PTPRT: variants seen among roughly 807,000 people sequenced by gnomAD.
The protein encoded by PTPRT is protein tyrosine phosphatase receptor type T, also known as receptor-type tyrosine-protein phosphatase T.
Under a neutral mutation model 176.8 loss-of-function variants are expected in PTPRT, and 56 were observed. The observed-to-expected ratio is 0.32, with a 90% CI of 0.26 to 0.40. PTPRT has a LOEUF of 0.40. Ranked by LOEUF, PTPRT falls within the 10% of genes least tolerant of loss-of-function variation. The pLI is 1.00. For missense variants in PTPRT, 1,540 were observed against 1,908.2 expected, an observed-to-expected ratio of 0.81 and a Z score of 3.60; for synonymous variants, 783 against 739.0, an observed-to-expected ratio of 1.06 and a Z score of -0.96.
intron 2 of PTPRT, among the ~76,000 whole-genome samples, chr20:42,854,080 G>A (rs974763781): frequency 2.6e-5 from 4 of 152,088 alleles, no homozygotes; most frequent in Admixed American, 2.6e-4. Context: ...GTACCATTAC[G>A]GCTCACAATA....
intron 6 of PTPRT, among the ~76,000 whole-genome samples, chr20:42,685,060 C>A (rs748220000): frequency 4.6e-5 from 7 of 152,150 alleles, no homozygotes; most frequent in African/African-American, 7.2e-5. Context: ...GCCAAGGCAA[C>A]ATGCCCGGGG....
chr20:42,300,370 C>T (rs992924789), intron 12 of PTPRT, among the ~76,000 whole-genome samples: 7 of 151,844 alleles, frequency 4.6e-5, no homozygotes, highest in Non-Finnish European at 8.8e-5. Flanking sequence ...GATTCCCACT[C>T]GTTCCCAGGT....
chr20:42,755,620 T>A (rs1600702540), intron 6 of PTPRT, among the ~76,000 whole-genome samples: 1 of 150,666 alleles, frequency 6.6e-6, no homozygotes, highest in Non-Finnish European at 1.5e-5. Flanking sequence ...GAAAAATCCA[T>A]AAAGATGCTC....
intron 1 of PTPRT, among the ~76,000 whole-genome samples, chr20:43,075,272 G>A (rs2011245648): frequency 6.6e-6 from 1 of 152,254 alleles, no homozygotes; most frequent in South Asian, 2.1e-4. Context: ...AGCGTTGCAT[G>A]GCAGCGTTTC....
At chr20:43,151,784 A>AC (rs2014363402) in intron 1 of PTPRT, among the ~76,000 whole-genome samples, 1 of 151,606 alleles carries the variant, frequency 6.6e-6, no homozygotes. Flanking sequence ...TATCACTTGA[A>AC]CCCGGGAGGC....
At chr20:42,649,685 C>A (rs2425501) in intron 7 of PTPRT, among the ~76,000 whole-genome samples, 51,439 of 152,032 alleles carry the variant, frequency 0.34, 9,695 homozygotes, top group Middle Eastern at 0.43. Flanking sequence ...CCTGAAAGAG[C>A]CCCTAAGTTA....
chr20:42,969,772 C>G (rs540295415), intron 1 of PTPRT: 1 of 152,110 alleles, frequency 6.6e-6, no homozygotes, highest in African/African-American at 2.4e-5. Context: ...CTTTTTGCTA[C>G]AAAAATATCA....
intron 8 of PTPRT, among the ~76,000 whole-genome samples, chr20:42,463,774 G>C (rs1234793297): frequency 6.6e-6 from 1 of 151,966 alleles, no homozygotes; most frequent in Non-Finnish European, 1.5e-5. Flanking sequence ...TCATTTTTTT[G>C]TCTCTCCACT....
At chr20:42,986,511 G>C (rs1485355589) in intron 1 of PTPRT, among the ~76,000 whole-genome samples, 2 of 152,206 alleles carry the variant, frequency 1.3e-5, no homozygotes, top group African/African-American at 4.8e-5. Flanking sequence ...CCTTAGTACA[G>C]CTCGAGAGAC....
chr20:42,522,667 G>C (rs1259223093), intron 7 of PTPRT, among the ~76,000 whole-genome samples: 1 of 152,046 alleles, frequency 6.6e-6, no homozygotes, highest in African/African-American at 2.4e-5. Context: ...TCACCATGTT[G>C]GTCAGTCTGG....
intron 16 of PTPRT, among the ~76,000 whole-genome samples, chr20:42,162,180 G>A (rs1989631392): frequency 6.6e-6 from 1 of 152,246 alleles, no homozygotes; most frequent in South Asian, 2.1e-4. Context: ...CTATTGTATA[G>A]TTTCCCCATC....
intron 7 of PTPRT, among the ~76,000 whole-genome samples, chr20:42,650,720 C>G (rs907941760): frequency 1.3e-5 from 2 of 152,080 alleles, no homozygotes; most frequent in African/African-American, 2.4e-5. Context: ...CTCTGAGATG[C>G]CCAAGAATAC....
chr20:42,900,696 T>C (rs896256038), intron 1 of PTPRT, among the ~76,000 whole-genome samples: 7 of 152,172 alleles, frequency 4.6e-5, no homozygotes, highest in Non-Finnish European at 8.8e-5. Context: ...AGCTGAGTGT[T>C]GGGAGAAGCT....
intron 2 of PTPRT, among the ~76,000 whole-genome samples, chr20:42,879,193 G>A (rs181063663): frequency 1.3e-5 from 2 of 152,112 alleles, no homozygotes; most frequent in East Asian, 3.9e-4. Flanking sequence ...CCATGAGCTG[G>A]GTGGCTTAAG....
intron 7 of PTPRT, among the ~76,000 whole-genome samples, chr20:42,502,405 A>AACACACACAC (rs11467404): frequency 8.7e-5 from 12 of 137,414 alleles, no homozygotes; most frequent in Admixed American, 3.0e-4. Flanking sequence ...TATGTATACA[A>AACACACACAC]ACACACACAC....
At chr20:42,359,350 C>T (rs1221462750) in intron 9 of PTPRT, among the ~76,000 whole-genome samples, 1 of 152,196 alleles carries the variant, frequency 6.6e-6, no homozygotes, top group Non-Finnish European at 1.5e-5. Flanking sequence ...ACAACAGTGA[C>T]TCTGAGAGAT....
chr20:42,739,182 T>C (rs2076574102), intron 6 of PTPRT, among the ~76,000 whole-genome samples: 1 of 152,182 alleles, frequency 6.6e-6, no homozygotes, highest in South Asian at 2.1e-4. Context: ...CCCCTGCACC[T>C]GAGAGTCTGC....
chr20:42,355,145 C>T (rs183054910), intron 9 of PTPRT, among the ~76,000 whole-genome samples: 1 of 152,178 alleles, frequency 6.6e-6, no homozygotes, highest in African/African-American at 2.4e-5. Flanking sequence ...ATTAACACCC[C>T]AGCCCTGATG....
intron 1 of PTPRT, among the ~76,000 whole-genome samples, chr20:43,069,242 G>A (rs1197429594): frequency 1.3e-5 from 2 of 152,110 alleles, no homozygotes; most frequent in East Asian, 3.9e-4. Flanking sequence ...GCATATGCTT[G>A]GGTCCCTCGG....
Sources: allele counts gnomAD v4.1 joint callset (sites outside exome capture counted in the v4.1 genomes callset), GRCh38; gene constraint gnomAD v4.1.1; transcripts MANE v1.5; gene names NCBI Gene and HGNC (gene_info 2026-07-23, HGNC 2026-07-21).